MPZL3: variants seen among roughly 807,000 people sequenced by gnomAD.
MPZL3 encodes myelin protein zero-like protein 3.
Under a neutral mutation model 24.8 loss-of-function variants are expected in MPZL3, and 23 were observed. The ratio of observed to expected loss-of-function variants is 0.93; its 90% confidence interval spans 0.67 to 1.31. The LOEUF (loss-of-function observed/expected upper bound fraction) is 1.31. MPZL3 is among the 40% of genes most tolerant of loss of function. The pLI is 0.00. For missense variants in MPZL3, 277 were observed against 294.9 expected, an observed-to-expected ratio of 0.94 and a Z score of 0.44; for synonymous variants, 99 against 106.5, an observed-to-expected ratio of 0.93 and a Z score of 0.44.
At chr11:118,239,198 T>C (rs1351634014) in intron 2 of MPZL3, among the ~76,000 whole-genome samples, 1 of 152,090 alleles carries the variant, frequency 6.6e-6, no homozygotes, top group African/African-American at 2.4e-5. Context: ...CAGAGCCAAA[T>C]AAGGCCAGCC....
chr11:118,235,350 G>T, intron 4 of MPZL3, 74 bp downstream of exon 4: 4 of 1,488,386 alleles, frequency 2.7e-6, no homozygotes, highest in East Asian at 2.3e-5. Flanking sequence ...AGAAAGGAAG[G>T]TGTGGATGTG....
chr11:118,234,731 A>G (rs576710920), intron 4 of MPZL3, among the ~76,000 whole-genome samples: 4 of 151,794 alleles, frequency 2.6e-5, no homozygotes, highest in African/African-American at 9.7e-5. Flanking sequence ...AAATGCACAC[A>G]CACACACACA....
intron 1 of MPZL3, among the ~76,000 whole-genome samples, chr11:118,251,776 T>C (rs758391044): frequency 4.7e-4 from 71 of 152,210 alleles, no homozygotes; most frequent in Non-Finnish European, 7.2e-4. Context: ...AATAATCACC[T>C]ACAAAAAATA....
chr11:118,232,635 C>T (rs1301723035), intron 5 of MPZL3, among the ~76,000 whole-genome samples: 3 of 151,962 alleles, frequency 2.0e-5, no homozygotes, highest in East Asian at 1.9e-4. Context: ...ACTTATTTTG[C>T]GTTCTTAAAA....
chr11:118,237,046 T>C lies in MPZL3; in HGVS notation c.451+4A>G. On this transcript the variant is annotated splice_donor_region_variant and intron_variant, in intron 3 of 5. Coordinates refer to ENST00000278949, the MANE Select transcript of MPZL3 (RefSeq NM_198275.3). ...CAGAAGAAGGTTGGTGGCAATGAGC[T>C]TACCCCTTTCTGTGACTGTTAGCTC... 6.2e-7 allele frequency: 1 copy of C among 1,613,488 alleles called. No homozygotes were observed. The highest frequency in any genetic ancestry group is 8.5e-7 in the Non-Finnish European group (1 of 1,179,454).
chr11:118,233,579 C>A (rs1949382199), intron 4 of MPZL3, 56 bp from the exon 5 acceptor site: 1 of 1,565,526 alleles, frequency 6.4e-7, no homozygotes, highest in Non-Finnish European at 8.8e-7. Context: ...TAGAGTAGAG[C>A]AGTTGAAAGT....
At chr11:118,250,054 T>C (rs894505371) in intron 1 of MPZL3, among the ~76,000 whole-genome samples, 8 of 151,998 alleles carry the variant, frequency 5.3e-5, no homozygotes, top group African/African-American at 1.9e-4. Flanking sequence ...CAGGCTGAAG[T>C]GCAGTGGTGC....
At chr11:118,236,591 G>A (rs1949428619) in intron 3 of MPZL3, among the ~76,000 whole-genome samples, 2 of 152,070 alleles carry the variant, frequency 1.3e-5, no homozygotes, top group Admixed American at 1.3e-4. Flanking sequence ...ACACTAAAGG[G>A]AAACTACTGT....
In MPZL3 at chr11:118,228,038, G is replaced by A. The variant is rs774500322; in HGVS notation, c.*1856C>T. ...AGTTAACAAGCAGTCCCAAAGTACC[G>A]TGAGGTTTAACCACTGGAAATGTAA... is the stretch of plus-strand genomic sequence containing the variant. On this transcript the variant is annotated 3_prime_UTR_variant, in exon 6 of 6. Coordinates refer to ENST00000278949, the MANE Select transcript of MPZL3 (RefSeq NM_198275.3). 7.9e-5 allele frequency: 12 copies of A among 152,056 alleles called. No individual in the cohort carries two copies. The highest frequency in any genetic ancestry group is 2.1e-4 in the South Asian group (1 of 4,826). The allele number at this position is 152,056 out of a possible 1,614,324, so 9.4% of individuals were successfully genotyped here. A position where few individuals can be genotyped will look rare whatever the true frequency, so the allele number is the denominator to read the frequency against.
At chr11:118,231,122 G>A (rs1949345412) in intron 5 of MPZL3, among the ~76,000 whole-genome samples, 1 of 152,082 alleles carries the variant, frequency 6.6e-6, no homozygotes. Flanking sequence ...CCCCACCCCA[G>A]ACAAGTTTTC....
At chr11:118,232,252 A>T (rs1949363475) in intron 5 of MPZL3, among the ~76,000 whole-genome samples, 1 of 152,064 alleles carries the variant, frequency 6.6e-6, no homozygotes, top group African/African-American at 2.4e-5. Flanking sequence ...TGCTTCTCTT[A>T]GGTGTTTGCT....
chr11:118,240,498 T>A (rs1052147328), intron 1 of MPZL3, 121 bp from the exon 2 acceptor site: 3 of 975,062 alleles, frequency 3.1e-6, no homozygotes, highest in East Asian at 6.2e-5. Context: ...TTAACAACTA[T>A]CTTCTCAGGC....
chr11:118,234,315 C>T (rs960671222), intron 4 of MPZL3, among the ~76,000 whole-genome samples: 2 of 152,122 alleles, frequency 1.3e-5, no homozygotes, highest in African/African-American at 4.8e-5. Context: ...CATCAAACTG[C>T]TGCAGCAGCA....
At chr11:118,231,106 T>C (rs1949345235) in intron 5 of MPZL3, among the ~76,000 whole-genome samples, 1 of 152,220 alleles carries the variant, frequency 6.6e-6, no homozygotes, top group South Asian at 2.1e-4. Context: ...CTGCAATCTT[T>C]CTTGACCCCA....
rs1348216907 is a variant in MPZL3, at chr11:118,229,578, T to G, written c.*316A>C. 4.1e-6 allele frequency: 1 copy of G among 241,746 alleles called. No homozygotes were observed. The highest frequency in any genetic ancestry group is 2.2e-5 in the African/African-American group (1 of 44,492). 15.0% of individuals were successfully genotyped at this position (241,746 alleles called of 1,614,324 possible). A position where few individuals can be genotyped will look rare whatever the true frequency, so the allele number is the denominator to read the frequency against. ...TCCTTCAAACAGTTGGAAGAAAACA[T>G]GTAATACATTCCAGAGCAAAGATGA... On this transcript the variant is annotated 3_prime_UTR_variant, in exon 6 of 6. Coordinates refer to ENST00000278949, the MANE Select transcript of MPZL3 (RefSeq NM_198275.3).
intron 1 of MPZL3, among the ~76,000 whole-genome samples, chr11:118,245,154 G>T (rs1949544241): frequency 6.6e-6 from 1 of 151,896 alleles, no homozygotes; most frequent in African/African-American, 2.4e-5. Flanking sequence ...AATTCAGCAT[G>T]TTGGCAGGCA....
intron 3 of MPZL3, among the ~76,000 whole-genome samples, chr11:118,236,690 G>A (rs1949429801): frequency 6.6e-6 from 1 of 152,050 alleles, no homozygotes; most frequent in African/African-American, 2.4e-5. Flanking sequence ...GCCATAACTG[G>A]GAGTATGAAC....
intron 1 of MPZL3, among the ~76,000 whole-genome samples, chr11:118,249,448 G>A (rs548185247): frequency 6.6e-6 from 1 of 152,252 alleles, no homozygotes; most frequent in South Asian, 2.1e-4. Context: ...ACTCAGAAAT[G>A]TCCATCCCAG....
intron 1 of MPZL3, among the ~76,000 whole-genome samples, chr11:118,250,764 T>C (rs1471912508): frequency 6.6e-6 from 1 of 152,016 alleles, no homozygotes; most frequent in African/African-American, 2.4e-5. Flanking sequence ...TTGTATTTTT[T>C]AGTAGAGACG....
Sources: gnomAD v4.1 joint callset for allele counts (sites outside exome capture counted in the v4.1 genomes callset) on GRCh38, gnomAD v4.1.1 for gene constraint, MANE v1.5 for transcripts, NCBI Gene and HGNC (gene_info 2026-07-23, HGNC 2026-07-21) for gene names.